Variants in NOXA1 observed in about 807,000 individuals in gnomAD.
The protein encoded by NOXA1 is NADPH oxidase activator 1, also known as NCF2-like protein.
NOXA1 carries 56 observed loss-of-function variants against 64.8 expected under a neutral mutation model. That is an observed-to-expected ratio of 0.86 (90% CI 0.70 to 1.08). NOXA1 has a LOEUF of 1.08. NOXA1 is among the 50% of genes least tolerant of loss of function. The probability of loss-of-function intolerance (pLI) is 0.00; values close to 1 mark genes in which losing one functional copy is unlikely to be tolerated. For missense variants in NOXA1, 668 were observed against 658.5 expected (o/e 1.01, Z -0.16); for synonymous variants, 295 against 294.8 (o/e 1.00, Z -0.01).
rs778650350 is a variant in NOXA1, at chr9:137,431,313, G to A, written c.776G>A (p.Arg259His). ...GCAGAGACAGAGGTCGGTGCTGACC[G>A]CTGCACGTCGACTGCCTACCAGGAG... Reference protein sequence around the residue: ...LDAETEVGADRCTSTAYQEQR... With the variant: ...LDAETEVGADHCTSTAYQEQR... Residue 259 changes from arginine to histidine, a missense_variant, in exon 8 of 14, where the codon CGC becomes CAC. Physicochemically the swap from Arg to His is conservative, Grantham distance 29. Transcript: ENST00000683555. The surrounding 1 kb of genome is among the most constrained non-coding windows in gnomAD (Gnocchi z 5.6). The A allele has an allele frequency of 3.7e-6, 6 of 1,610,752 alleles. No individual in the cohort carries two copies. The highest frequency in any genetic ancestry group is 1.7e-5 in the Admixed American group (1 of 59,994).
chr9:137,433,457 C>G lies in NOXA1; in HGVS notation c.914C>G (p.Ala305Gly). 1 of 1,598,272 alleles carries G rather than the reference C, an allele frequency of 6.3e-7. No homozygotes were observed. Among genetic ancestry groups the G allele is most frequent in the Non-Finnish European group, 8.5e-7 (1 of 1,175,698 alleles). Residue 305 changes from alanine (A) to glycine (G), a missense_variant, in exon 11 of 14, where the codon GCA (alanine) becomes GGA (glycine). Transcript: ENST00000683555. The part of the protein sequence containing the change: ...PCEDPAGAGG[A>G]GAGGSEPLVT... ...CCCCCTCCTGCCTGGACCCAGGGAGCAGGTGCAGGGGGCTCCGAGCCCCTG... is the reference window on the plus strand; with the variant it reads ...CCCCCTCCTGCCTGGACCCAGGGAGGAGGTGCAGGGGGCTCCGAGCCCCTG...
intron 2 of NOXA1, 129 bp downstream of exon 2, chr9:137,426,459 T>G: frequency 4.9e-6 from 4 of 815,922 alleles, no homozygotes; most frequent in Non-Finnish European, 8.1e-6. Context: ...CCATGGTTCC[T>G]GGCTCCAGGG....
chr9:137,427,914 C>T, intron 2 of NOXA1, 119 bp from the exon 3 acceptor site: 1 of 670,704 alleles, frequency 1.5e-6, no homozygotes, highest in Non-Finnish European at 2.6e-6. Flanking sequence ...GCACTGCCCT[C>T]CCTCAGGTCT....
At chr9:137,427,092 C>T (rs954328536) in intron 2 of NOXA1, among the ~76,000 whole-genome samples, 2 of 152,218 alleles carry the variant, frequency 1.3e-5, no homozygotes, top group South Asian at 2.1e-4. Flanking sequence ...CCACCTCGCC[C>T]AGCCTATTTA....
In NOXA1 at chr9:137,433,607, G is replaced by A; in HGVS notation, c.1064G>A (p.Ser355Asn). The change falls in exon 11 of 14, where the codon AGT becomes AAT. Residue 355 changes from serine to asparagine, a missense_variant and splice_region_variant. Transcript: ENST00000683555. ...CACCAGGCCCAGCTTGGGCAACTCA[G>A]GTGGGCCAGAAAGCCCCCGGTGGCT... ...LPHQAQLGQL[S>N]YLAPGEDGHW... 4 of 1,544,964 alleles carry A rather than the reference G, an allele frequency of 2.6e-6. No homozygotes were observed. The highest frequency in any genetic ancestry group is 2.4e-5 in the East Asian group (1 of 41,234).
chr9:137,433,493 C>G lies in NOXA1; in HGVS notation c.950C>G (p.Thr317Ser). ...GGCTCCGAGCCCCTGGTGACTGTCA[C>G]CGTGCAGTGCGCCTTCACAGTGGCC... is the stretch of plus-strand genomic sequence containing the variant. ...AGGSEPLVTV[T>S]VQCAFTVALR... Residue 317 changes from threonine (T) to serine (S), a missense_variant, in exon 11 of 14, where the codon ACC (threonine) becomes AGC (serine). Transcript: ENST00000683555. The G allele has an allele frequency of 6.2e-7, 1 of 1,604,222 alleles. No individual in the cohort carries two copies. The highest frequency in any genetic ancestry group is 1.1e-5 in the South Asian group (1 of 90,282).
chr9:137,423,511 A>G lies in NOXA1; in HGVS notation c.-19A>G, dbSNP rs1412719004. 29 of 1,322,758 alleles carry G rather than the reference A, an allele frequency of 2.2e-5. No individual in the cohort carries two copies. Among genetic ancestry groups the G allele is most frequent in the Non-Finnish European group, 2.5e-5 (26 of 1,036,916 alleles). 81.9% of individuals were successfully genotyped at this position (1,322,758 alleles called of 1,614,324 possible). ...TCCGCGGGATCCTGGCCCCTCCTCG[A>G]GCGCCGCCACCGGCCGCCATGGCCT... is the stretch of plus-strand genomic sequence containing the variant. On this transcript the variant is annotated 5_prime_UTR_variant, in exon 1 of 14. Transcript: ENST00000683555.
Position 137,430,805 on chromosome 9 carries a change from G to A in NOXA1, c.634G>A (p.Asp212Asn), listed in dbSNP as rs376374050. 3.6e-5 allele frequency: 58 copies of A among 1,595,022 alleles called. 1 individual carries two copies. The East Asian group carries it at 7.4e-4, about 20-fold the overall frequency. ...CCAGGTGGTGGCCTCTGCCATCCCC[G>A]ACGACCAGGGCTGGGGCGTCCGCCC... is the stretch of plus-strand genomic sequence containing the variant. ...KAKVVASAIP[D>N]DQGWGVRPQQ... Residue 212 changes from aspartate (D) to asparagine (N), a missense_variant, in exon 6 of 14, where the codon GAC (aspartate) becomes AAC (asparagine). By Grantham distance (23) the Asp-to-Asn change is conservative (BLOSUM62 1). Coordinates refer to ENST00000683555, the MANE Select transcript of NOXA1 (RefSeq NM_001256067.2).
rs533507551 is a variant in NOXA1, at chr9:137,426,792, A to G, written c.260+462A>G. Among the ~76,000 whole-genome samples, 6 of 152,348 alleles carry G rather than the reference A, an allele frequency of 3.9e-5. No homozygotes were observed. In the South Asian group the frequency reaches 1.2e-3, roughly 32 times the overall value. On this transcript the variant is annotated intron_variant, in intron 2 of 13. Transcript: ENST00000683555. Reference sequence around the variant, plus strand: ...AAATAAAATTCTGTAAAAGATATTTATTTACTTTTTAAAAATTGTTTTGAG... The same window carrying G: ...AAATAAAATTCTGTAAAAGATATTTGTTTACTTTTTAAAAATTGTTTTGAG...
chr9:137,433,270 G>A lies in NOXA1; in HGVS notation c.909+7G>A, dbSNP rs767401168. 4 of 1,570,966 alleles carry A rather than the reference G, an allele frequency of 2.5e-6. No individual in the cohort carries two copies. The highest frequency in any genetic ancestry group is 4.6e-5 in the East Asian group (2 of 43,858). On this transcript the variant is annotated splice_region_variant and intron_variant, in intron 10 of 13. Coordinates refer to ENST00000683555, the MANE Select transcript of NOXA1 (RefSeq NM_001256067.2). Reference sequence around the variant, plus strand: ...GGACCCCGCGGGTGCTGGGGTAAGAGGCTCTAGACCCTTCACCTGTCAGTC... The same window carrying A: ...GGACCCCGCGGGTGCTGGGGTAAGAAGCTCTAGACCCTTCACCTGTCAGTC...
intron 9 of NOXA1, 21 bp downstream of exon 9, chr9:137,433,095 G>C (rs369107046): frequency 6.2e-7 from 1 of 1,612,604 alleles, no homozygotes; most frequent in Non-Finnish European, 8.5e-7. Context: ...CCTCAGCGGC[G>C]GGGTCCCCGG....
Position 137,426,326 on chromosome 9 carries a change from G to A in NOXA1, c.256G>A (p.Ala86Thr). The A allele has an allele frequency of 6.2e-7, 1 of 1,613,630 alleles. No individual in the cohort carries two copies. The highest frequency in any genetic ancestry group is 8.5e-7 in the Non-Finnish European group (1 of 1,179,856). The change falls in exon 2 of 14, where the codon GCA becomes ACA. Residue 86 changes from alanine to threonine, a missense_variant. Physicochemically the swap from Ala to Thr is moderately conservative, Grantham distance 58. Coordinates refer to ENST00000683555, the MANE Select transcript of NOXA1 (RefSeq NM_001256067.2). ...FQRGVANFQLARFQEALSDFW... is the reference protein window; with the variant it reads ...FQRGVANFQLTRFQEALSDFW... ...GCGAGGAGTGGCCAACTTCCAGCTG[G>A]CAAGGTGAGTACAGGGGTGCCTTGT...
intron 5 of NOXA1, among the ~76,000 whole-genome samples, chr9:137,430,311 T>C (rs1324622497): frequency 7.2e-6 from 1 of 138,332 alleles, no homozygotes; most frequent in African/African-American, 2.6e-5. Flanking sequence ...GGGCGAAACA[T>C]GGCGGAGAAG....
intron 1 of NOXA1, 93 bp from the exon 2 acceptor site, chr9:137,426,155 A>C (rs1838839799): frequency 1.9e-5 from 22 of 1,174,442 alleles, no homozygotes; most frequent in Non-Finnish European, 2.8e-5. Flanking sequence ...GGGCTGACGG[A>C]ATTCCGTGGC....
rs764367566 is a variant in NOXA1 at position 137,434,067 on chromosome 9, G to A, written c.1282G>A (p.Val428Ile). 1.6e-5 allele frequency: 25 copies of A among 1,581,622 alleles called. No individual in the cohort carries two copies. Among genetic ancestry groups the A allele is most frequent in the African/African-American group, 2.7e-5 (2 of 74,336 alleles). ...CTTCCGACAGGGGGACACGGTGGACGTCCTGTGTGAAGGTAGGGTGGGCAT... is the reference window on the plus strand; with the variant it reads ...CTTCCGACAGGGGGACACGGTGGACATCCTGTGTGAAGGTAGGGTGGGCAT... Reference protein sequence around the residue: ...LGFRQGDTVDVLCEVDQAWLE... With the variant: ...LGFRQGDTVDILCEVDQAWLE... Residue 428 changes from valine (V) to isoleucine (I), a missense_variant, in exon 13 of 14, where the codon GTC (valine) becomes ATC (isoleucine). Val to Ile is a conservative substitution (Grantham distance 29). Coordinates refer to ENST00000683555, the MANE Select transcript of NOXA1 (RefSeq NM_001256067.2).
chr9:137,429,976 A>G (rs1188739325), intron 5 of NOXA1, among the ~76,000 whole-genome samples: 22 of 52,722 alleles, frequency 4.2e-4, no homozygotes, highest in South Asian at 1.5e-3. Context: ...GCGAGGTCCC[A>G]GGGGGGTGCC....
chr9:137,433,495 G>T lies in NOXA1; in HGVS notation c.952G>T (p.Val318Leu). ...GGSEPLVTVT[V>L]QCAFTVALRA... ...CTCCGAGCCCCTGGTGACTGTCACC[G>T]TGCAGTGCGCCTTCACAGTGGCCCT... is the stretch of plus-strand genomic sequence containing the variant. Residue 318 changes from valine (V) to leucine (L), a missense_variant, in exon 11 of 14, where the codon GTG (valine) becomes TTG (leucine). Physicochemically the swap from Val to Leu is conservative, Grantham distance 32. Coordinates refer to ENST00000683555, the MANE Select transcript of NOXA1 (RefSeq NM_001256067.2). 1 of 1,603,928 alleles carries T rather than the reference G, an allele frequency of 6.2e-7. No homozygotes were observed.
At chr9:137,433,156 G>C (rs1416971022) in intron 9 of NOXA1, 49 bp from the exon 10 acceptor site, 1 of 1,609,268 alleles carries the variant, frequency 6.2e-7, no homozygotes, top group Non-Finnish European at 8.5e-7. Flanking sequence ...TCCACCCACA[G>C]GGCCCACTTT....
At chr9:137,424,223 G>A in intron 1 of NOXA1, among the ~76,000 whole-genome samples, 1 of 152,196 alleles carries the variant, frequency 6.6e-6, no homozygotes, top group Middle Eastern at 3.2e-3. Flanking sequence ...TCAGTCCCAA[G>A]CACCCCGCAG....
Sources: allele counts gnomAD v4.1 joint callset (sites outside exome capture counted in the v4.1 genomes callset), GRCh38; gene constraint gnomAD v4.1.1; non-coding constraint Gnocchi (gnomAD v3.1); transcripts MANE v1.5; gene names NCBI Gene and HGNC (gene_info 2026-07-23, HGNC 2026-07-21).